The following ZFC3H1 variants were observed in gnomAD, a reference collection of about 807,000 sequenced individuals.
The protein encoded by ZFC3H1 is zinc finger C3H1 domain-containing protein.
A neutral mutation model predicts 243.7 loss-of-function variants in ZFC3H1; 71 were observed. That is an observed-to-expected ratio of 0.29 (90% CI 0.24 to 0.36). ZFC3H1 has a LOEUF of 0.36. Among genes scored for constraint, ZFC3H1 ranks in the 10% least tolerant of loss-of-function variants. The probability of loss-of-function intolerance (pLI) is 1.00; values close to 1 mark genes in which losing one functional copy is unlikely to be tolerated. For synonymous variants in ZFC3H1, 838 were observed against 813.0 expected (o/e 1.03, Z -0.52); for missense variants, 1,966 against 2,317.1 (o/e 0.85, Z 3.11).
In ZFC3H1 at chr12:71,636,625, T is replaced by A. The variant is rs544279899; in HGVS notation, c.1965A>T (p.Ser655=). 3.8e-5 allele frequency: 61 copies of A among 1,612,470 alleles called. No homozygotes were observed. The highest frequency in any genetic ancestry group is 5.1e-5 in the Non-Finnish European group (60 of 1,179,582). ...EETSSNSDPP[S]PPVLNNSHPV... ...GATGTGAATTGTTCAGAACTGGAGGTGAAGGTGGGTCACTATTACTGGATG... is the reference window on the plus strand; with the variant it reads ...GATGTGAATTGTTCAGAACTGGAGGAGAAGGTGGGTCACTATTACTGGATG... Residue 655 remains serine, a synonymous_variant, in exon 9 of 35, where the codon TCA becomes TCT. Coordinates refer to ENST00000378743, the MANE Select transcript of ZFC3H1 (RefSeq NM_144982.5).
At position 71,614,699 on chromosome 12, in the gene ZFC3H1, A is replaced by G; in HGVS notation, c.5362T>C (p.Tyr1788His). The change falls in exon 30 of 35, where the codon TAT (tyrosine) becomes CAT (histidine). Residue 1788 changes from tyrosine (Y) to histidine (H), a missense_variant and splice_region_variant. By Grantham distance (83) the Tyr-to-His change is moderately conservative. This residue lies in a region of ZFC3H1 where 1,383 missense variants were observed against 1,723.7 expected (regional missense o/e 0.80). Transcript: ENST00000378743. The stretch of plus-strand genomic sequence containing the variant: ...GCTCTATTATTTGCAAAGACAAGAT[A>G]ACTGCCAAAAGAAAAATATTATAAT... ...CDIVQKIWMD[Y>H]LVFANNRAAG... 1 of 1,600,548 alleles carries G rather than the reference A, an allele frequency of 6.2e-7. No individual in the cohort carries two copies. Among genetic ancestry groups the G allele is most frequent in the Non-Finnish European group, 8.5e-7 (1 of 1,176,056 alleles).
intron 22 of ZFC3H1, among the ~76,000 whole-genome samples, 166 bp from the exon 23 acceptor site, chr12:71,624,458 C>T (rs1050255992): frequency 1.3e-5 from 2 of 152,224 alleles, no homozygotes; most frequent in African/African-American, 4.8e-5. Context: ...ACAACCTAGA[C>T]TCCCTCTTCT....
chr12:71,661,239 G>T (rs1384111961), intron 1 of ZFC3H1, among the ~76,000 whole-genome samples: 1 of 151,660 alleles, frequency 6.6e-6, no homozygotes, highest in Non-Finnish European at 1.5e-5. Flanking sequence ...GGCGGAGCTT[G>T]CAGTGAGCCG....
At chr12:71,628,848 GC>G in intron 20 of ZFC3H1, 69 bp downstream of exon 20, 1 of 1,477,522 alleles carries the variant, frequency 6.8e-7, no homozygotes, top group Non-Finnish European at 9.0e-7. Flanking sequence ...CAAAGGATTA[GC>G]AAAGTGTTAA....
chr12:71,644,422 CTAAGT>C, intron 4 of ZFC3H1, 104 bp from the exon 5 acceptor site: 1 of 1,239,434 alleles, frequency 8.1e-7, no homozygotes, highest in Non-Finnish European at 1.1e-6. Flanking sequence ...GATGATGCTC[CTAAGT>C]TGTTTATATA....
At chr12:71,660,245 A>G (rs1881130819) in intron 1 of ZFC3H1, 1 of 152,230 alleles carries the variant, frequency 6.6e-6, no homozygotes, top group African/African-American at 2.4e-5. Flanking sequence ...TTGATATTAA[A>G]TAAATTTGAA....
intron 27 of ZFC3H1, among the ~76,000 whole-genome samples, chr12:71,617,540 A>C (rs1879920776): frequency 6.6e-6 from 1 of 152,218 alleles, no homozygotes; most frequent in South Asian, 2.1e-4. Context: ...AAGATCTTTC[A>C]TTAGTTACCA....
At position 71,633,426 on chromosome 12, in the gene ZFC3H1, C is replaced by A; in HGVS notation, c.2523G>T (p.Met841Ile). 1 of 1,567,470 alleles carries A rather than the reference C, an allele frequency of 6.4e-7. No individual in the cohort carries two copies. The highest frequency in any genetic ancestry group is 1.2e-5 in the South Asian group (1 of 82,436). Reference sequence around the variant, plus strand: ...AATTCTTTAAAACAGATTCATCTTTCATCAAGAGAATCCTAAATGAGAAAT... The same window carrying A: ...AATTCTTTAAAACAGATTCATCTTTAATCAAGAGAATCCTAAATGAGAAAT... ...SKLKKHRILLMKDESVLKNLV... is the reference protein window; with the variant it reads ...SKLKKHRILLIKDESVLKNLV... The change falls in exon 13 of 35, where the codon ATG becomes ATT. Residue 841 changes from methionine to isoleucine, a missense_variant. Coordinates refer to ENST00000378743, the MANE Select transcript of ZFC3H1 (RefSeq NM_144982.5).
At position 71,629,722 on chromosome 12, in the gene ZFC3H1, G is replaced by C; in HGVS notation, c.3725-12C>G. 3 of 1,486,210 alleles carry C rather than the reference G, an allele frequency of 2.0e-6. No homozygotes were observed. Among genetic ancestry groups the C allele is most frequent in the Non-Finnish European group, 2.8e-6 (3 of 1,065,424 alleles). 92.1% of individuals were successfully genotyped at this position (1,486,210 alleles called of 1,614,324 possible). On this transcript the variant is annotated splice_polypyrimidine_tract_variant and intron_variant, in intron 18 of 34. Coordinates refer to ENST00000378743, the MANE Select transcript of ZFC3H1 (RefSeq NM_144982.5). ...CTCAACATATTTTTCTGAAATAAGA[G>C]CAATGCAATCTTCATGATAAATATC...
intron 10 of ZFC3H1, among the ~76,000 whole-genome samples, 166 bp downstream of exon 10, chr12:71,635,277 T>C (rs545902684): frequency 5.9e-5 from 9 of 152,196 alleles, no homozygotes; most frequent in Non-Finnish European, 1.3e-4. Flanking sequence ...TCTACATTGA[T>C]ACATGCTTCA....
At position 71,636,619 on chromosome 12, in the gene ZFC3H1, T is replaced by G. The variant is rs754176698; in HGVS notation, c.1971A>C (p.Pro657=). Reference sequence around the variant, plus strand: ...GCACAGGATGTGAATTGTTCAGAACTGGAGGTGAAGGTGGGTCACTATTAC... The same window carrying G: ...GCACAGGATGTGAATTGTTCAGAACGGGAGGTGAAGGTGGGTCACTATTAC... The part of the protein sequence containing the change: ...TSSNSDPPSP[P]VLNNSHPVPR... The change falls in exon 9 of 35, where the codon CCA becomes CCC. Residue 657 remains proline (P), a synonymous_variant. Transcript: ENST00000378743. 6.2e-7 allele frequency: 1 copy of G among 1,613,676 alleles called. No individual in the cohort carries two copies.
At chr12:71,622,412 G>A (rs1469636207) in intron 24 of ZFC3H1, among the ~76,000 whole-genome samples, 1 of 151,930 alleles carries the variant, frequency 6.6e-6, no homozygotes, top group African/African-American at 2.4e-5. Context: ...CTTCCCTTTG[G>A]GTTCATGGCC....
intron 7 of ZFC3H1, 55 bp from the exon 8 acceptor site, chr12:71,637,114 T>A: frequency 1.4e-6 from 2 of 1,427,752 alleles, no homozygotes; most frequent in Non-Finnish European, 1.9e-6. Context: ...CTCAAATGCT[T>A]CTCTCTGCAG....
In ZFC3H1 at chr12:71,663,476, G is replaced by A. The variant is rs774594871; in HGVS notation, c.135C>T (p.Ser45=). ...QIRSRSSSSS[S]GGGLLPYPRR... is the part of the protein sequence containing the mutation. The stretch of plus-strand genomic sequence containing the variant: ...GCGGATAGGGTAACAGCCCGCCGCC[G>A]CTGCTGCTGCTGCTGCTCCGACTCC... Residue 45 remains serine, a synonymous_variant, in exon 1 of 35, where the codon AGC becomes AGT. Coordinates refer to ENST00000378743, the MANE Select transcript of ZFC3H1 (RefSeq NM_144982.5). 1.2e-6 allele frequency: 2 copies of A among 1,609,596 alleles called. No individual in the cohort carries two copies. Among genetic ancestry groups the A allele is most frequent in the Middle Eastern group, 1.7e-4 (1 of 6,058 alleles).
intron 34 of ZFC3H1, 63 bp downstream of exon 34, chr12:71,610,632 T>C: frequency 6.2e-7 from 1 of 1,612,274 alleles, no homozygotes; most frequent in Non-Finnish European, 8.5e-7. Flanking sequence ...CATCAATGGA[T>C]ATGGCACATG....
In ZFC3H1 at chr12:71,633,316, G is replaced by A; in HGVS notation, c.2633C>T (p.Thr878Ile). 6.3e-7 allele frequency: 1 copy of A among 1,592,698 alleles called. No homozygotes were observed. Among genetic ancestry groups the A allele is most frequent in the South Asian group, 1.2e-5 (1 of 86,048 alleles). The change falls in exon 13 of 35, where the codon ACT becomes ATT. Residue 878 changes from threonine (T) to isoleucine (I), a missense_variant. Transcript: ENST00000378743. Reference sequence around the variant, plus strand: ...TCTGTTAACATTAAGAATTTTTTCAGTTGCTTGAAGCTGTTCTGTAAGTTT... The same window carrying A: ...TCTGTTAACATTAAGAATTTTTTCAATTGCTTGAAGCTGTTCTGTAAGTTT... ...ITKLTEQLQA[T>I]EKILNVNRMF...
At chr12:71,633,073 T>C in intron 13 of ZFC3H1, 56 bp from the exon 14 acceptor site, 1 of 1,530,194 alleles carries the variant, frequency 6.5e-7, no homozygotes, top group Non-Finnish European at 8.8e-7. Flanking sequence ...AACAGGAAAT[T>C]TCTTCTTCTC....
At chr12:71,629,251 C>T (rs1003356394) in intron 19 of ZFC3H1, among the ~76,000 whole-genome samples, 8 of 151,408 alleles carry the variant, frequency 5.3e-5, no homozygotes, top group Admixed American at 2.0e-4. Context: ...CTGCAACCTC[C>T]GCCTCTCGGG....
At chr12:71,634,032 C>A in intron 12 of ZFC3H1, 123 bp downstream of exon 12, 1 of 983,270 alleles carries the variant, frequency 1.0e-6, no homozygotes. Flanking sequence ...CAGACTTCTA[C>A]ATTCTACAAA....
Sources: allele counts gnomAD v4.1 joint callset (sites outside exome capture counted in the v4.1 genomes callset), GRCh38; gene constraint gnomAD v4.1.1; regional missense constraint gnomAD v4.1.1; transcripts MANE v1.5; gene names NCBI Gene and HGNC (gene_info 2026-07-23, HGNC 2026-07-21).